Variants in TMPRSS7 observed in about 807,000 individuals in gnomAD.
TMPRSS7 encodes transmembrane serine protease 7, also known as transmembrane protease serine 7.
Under a neutral mutation model 95.6 loss-of-function variants are expected in TMPRSS7, and 81 were observed. That is an observed-to-expected ratio of 0.85 (90% CI 0.71 to 1.02). The LOEUF (loss-of-function observed/expected upper bound fraction) is 1.02. Ranked by LOEUF, TMPRSS7 falls within the 50% of genes least tolerant of loss-of-function variation. The pLI, the probability that TMPRSS7 is intolerant of heterozygous loss-of-function variation, is 0.00. For missense variants in TMPRSS7, 945 were observed against 955.2 expected (o/e 0.99, Z 0.14); for synonymous variants, 364 against 337.8 (o/e 1.08, Z -0.85).
At chr3:112,069,772 C>A (rs926284229) in intron 13 of TMPRSS7, among the ~76,000 whole-genome samples, 4 of 152,048 alleles carry the variant, frequency 2.6e-5, no homozygotes, top group Non-Finnish European at 5.9e-5. Flanking sequence ...TTTCAAAAAA[C>A]CAGCTCTCAG....
intron 9 of TMPRSS7, among the ~76,000 whole-genome samples, chr3:112,051,515 ATATC>A (rs10546401): frequency 0.49 from 71,022 of 144,986 alleles, 17,547 homozygotes; most frequent in East Asian, 0.54. Context: ...TGTATACGAA[ATATC>A]TATCTATCTA....
chr3:112,045,868 A>G, exon 5 of TMPRSS7: 1 of 1,551,878 alleles, frequency 6.4e-7, no homozygotes, highest in Middle Eastern at 1.7e-4. Flanking sequence ...CTCCATCCAG[A>G]CAAGCATCAT....
intron 5 of TMPRSS7, among the ~76,000 whole-genome samples, 183 bp from the exon 6 acceptor site, chr3:112,046,791 A>G (rs1229533167): frequency 6.6e-6 from 1 of 152,166 alleles, no homozygotes; most frequent in Admixed American, 6.5e-5. Context: ...CTCACTCATG[A>G]CTATTCTATT....
chr3:112,047,036 C>T (rs953863621), intron 6 of TMPRSS7, 24 bp downstream of exon 6: 4 of 701,678 alleles, frequency 5.7e-6, no homozygotes, highest in South Asian at 1.5e-5. Context: ...TGTGGTTCCC[C>T]CTCCCCCCAT....
intron 10 of TMPRSS7, among the ~76,000 whole-genome samples, chr3:112,058,600 G>T (rs1314360644): frequency 6.6e-6 from 1 of 152,062 alleles, no homozygotes. Flanking sequence ...ACTATAGAAC[G>T]TGCCCCCAAG....
rs2073323440 is a variant in TMPRSS7, at chr3:112,049,808, T to G, written c.960-36T>G. The G allele has an allele frequency of 2.7e-6, 4 of 1,478,938 alleles. No homozygotes were observed. The Admixed American group carries it at 6.3e-5, about 23-fold the overall frequency. 91.6% of individuals were successfully genotyped at this position (1,478,938 alleles called of 1,614,324 possible). A position where few individuals can be genotyped will look rare whatever the true frequency, so the allele number is the denominator to read the frequency against. On this transcript the variant is annotated intron_variant, in intron 7 of 17. Transcript: ENST00000452346. ...GGAGACCCATTTCTCAAATAACGTATTATTCATGTACTTTTGTTTTATTAT... is the reference window on the plus strand; with the variant it reads ...GGAGACCCATTTCTCAAATAACGTAGTATTCATGTACTTTTGTTTTATTAT...
intron 15 of TMPRSS7, 87 bp downstream of exon 15, chr3:112,075,579 G>C: frequency 2.6e-6 from 3 of 1,165,368 alleles, no homozygotes; most frequent in Non-Finnish European, 3.4e-6. Flanking sequence ...GCAGATCCCT[G>C]TTGGGGACAT....
intron 9 of TMPRSS7, among the ~76,000 whole-genome samples, chr3:112,054,729 C>CATTTTT (rs2073409345): frequency 2.0e-5 from 1 of 49,010 alleles, no homozygotes; most frequent in Non-Finnish European, 3.5e-5. Flanking sequence ...TCTCAGTTTG[C>CATTTTT]TTTTTTTTTT....
intron 10 of TMPRSS7, among the ~76,000 whole-genome samples, chr3:112,057,456 G>GA (rs1450520766): frequency 6.6e-6 from 1 of 151,930 alleles, no homozygotes; most frequent in Non-Finnish European, 1.5e-5. Context: ...GGGTTCTGCT[G>GA]AAAAAAAATG....
intron 13 of TMPRSS7, among the ~76,000 whole-genome samples, chr3:112,069,159 C>A (rs1357181113): frequency 6.6e-6 from 1 of 152,152 alleles, no homozygotes; most frequent in East Asian, 1.9e-4. Context: ...AGCCTTGTGT[C>A]CCAAAGATGA....
intron 13 of TMPRSS7, 53 bp from the exon 14 acceptor site, chr3:112,074,243 C>T (rs1290967293): frequency 7.8e-7 from 1 of 1,288,520 alleles, no homozygotes; most frequent in Non-Finnish European, 1.1e-6. Context: ...ATCTCATTCA[C>T]TCAAGTTTGT....
intron 13 of TMPRSS7, 34 bp from the exon 14 acceptor site, chr3:112,074,262 A>G (rs768178999): frequency 8.7e-6 from 13 of 1,487,708 alleles, no homozygotes; most frequent in Non-Finnish European, 3.8e-6. Flanking sequence ...GTTTCTGGCT[A>G]AGGAAAGCTG....
At chr3:112,073,895 G>T (rs571835220) in intron 13 of TMPRSS7, among the ~76,000 whole-genome samples, 3 of 152,328 alleles carry the variant, frequency 2.0e-5, no homozygotes, top group Admixed American at 6.5e-5. Context: ...TCACAAGTCT[G>T]TCCATTTTGC....
At chr3:112,042,035 G>A (rs750815913) in exon 3 of TMPRSS7, 7 of 1,551,616 alleles carry the variant, frequency 4.5e-6, no homozygotes, top group Non-Finnish European at 6.1e-6. Context: ...CAGTGTCACG[G>A]ACTGTGCAGC....
intron 1 of TMPRSS7, among the ~76,000 whole-genome samples, chr3:112,036,570 A>G (rs2073151649): frequency 6.6e-6 from 1 of 151,922 alleles, no homozygotes; most frequent in Non-Finnish European, 1.5e-5. Context: ...CTCTGTCAAA[A>G]AAAAAAAAAG....
At chr3:112,040,051 C>T (rs2073190378) in intron 2 of TMPRSS7, among the ~76,000 whole-genome samples, 2 of 152,072 alleles carry the variant, frequency 1.3e-5, no homozygotes, top group African/African-American at 4.8e-5. Flanking sequence ...GCCCCCACCC[C>T]CACATTTGGT....
At chr3:112,067,931 C>T (rs1002665317) in intron 13 of TMPRSS7, among the ~76,000 whole-genome samples, 2 of 152,180 alleles carry the variant, frequency 1.3e-5, no homozygotes, top group Non-Finnish European at 2.9e-5. Flanking sequence ...ATGGTAATGC[C>T]TAGGTTTTCT....
At chr3:112,045,996 C>A in intron 5 of TMPRSS7, 53 bp downstream of exon 5, 1 of 1,407,900 alleles carries the variant, frequency 7.1e-7, no homozygotes, top group Non-Finnish European at 9.7e-7. Flanking sequence ...ACTCCTGATA[C>A]TTGCCATGAT....
chr3:112,078,745 A>C, exon 17 of TMPRSS7: 1 of 1,614,182 alleles, frequency 6.2e-7, no homozygotes, highest in South Asian at 1.1e-5. Context: ...TTTGCAGATA[A>C]TAAAGGCTCC....
Sources: allele counts gnomAD v4.1 joint callset (sites outside exome capture counted in the v4.1 genomes callset), GRCh38; gene constraint gnomAD v4.1.1; transcripts MANE v1.5; gene names NCBI Gene and HGNC (gene_info 2026-07-23, HGNC 2026-07-21).